GABBR2: variants seen among roughly 807,000 people sequenced by gnomAD.
The protein encoded by GABBR2 is gamma-aminobutyric acid type B receptor subunit 2.
GABBR2 carries 23 observed loss-of-function variants against 105.6 expected under a neutral mutation model. That is an observed-to-expected ratio of 0.22 (90% confidence interval 0.16 to 0.31). The LOEUF (loss-of-function observed/expected upper bound fraction) is 0.31. Ranked by LOEUF, GABBR2 falls within the 10% of genes least tolerant of loss-of-function variation. The pLI is 1.00. For synonymous variants in GABBR2, 478 were observed against 499.7 expected (o/e 0.96, Z 0.58); for missense variants, 734 against 1,245.5 (o/e 0.59, Z 6.18).
intron 1 of GABBR2, among the ~76,000 whole-genome samples, chr9:98,594,004 C>T (rs966371399): frequency 1.3e-5 from 2 of 152,194 alleles, no homozygotes; most frequent in Non-Finnish European, 2.9e-5. Flanking sequence ...TAAGTCCTTC[C>T]GCCTCTCTGC....
intron 7 of GABBR2, among the ~76,000 whole-genome samples, chr9:98,438,211 CCA>C: frequency 7.0e-6 from 1 of 143,182 alleles, no homozygotes; most frequent in Non-Finnish European, 1.5e-5. Context: ...ATCCATCCAT[CCA>C]TCCATCTATA....
chr9:98,424,502 A>G (rs1832839062), intron 7 of GABBR2, among the ~76,000 whole-genome samples: 1 of 152,118 alleles, frequency 6.6e-6, no homozygotes, highest in Non-Finnish European at 1.5e-5. Flanking sequence ...CAGGAGAAGG[A>G]AATAAAGGGT....
intron 7 of GABBR2, among the ~76,000 whole-genome samples, chr9:98,452,098 G>T (rs1826242467): frequency 6.6e-6 from 1 of 152,186 alleles, no homozygotes; most frequent in Non-Finnish European, 1.5e-5. Context: ...AGGACAGGGA[G>T]CCCATCTTAC....
intron 3 of GABBR2, among the ~76,000 whole-genome samples, chr9:98,515,267 T>C (rs1242042386): frequency 6.6e-6 from 1 of 152,134 alleles, no homozygotes; most frequent in Non-Finnish European, 1.5e-5. Flanking sequence ...AACTTGCCCA[T>C]GGGGAGCTGC....
chr9:98,705,420 C>G (rs1219580355), intron 1 of GABBR2, among the ~76,000 whole-genome samples: 1 of 152,214 alleles, frequency 6.6e-6, no homozygotes, highest in East Asian at 1.9e-4. Flanking sequence ...CTTGCTAAAT[C>G]TCCATCTCTC....
intron 7 of GABBR2, among the ~76,000 whole-genome samples, chr9:98,420,537 A>C (rs1030830485): frequency 6.6e-6 from 1 of 152,208 alleles, no homozygotes; most frequent in African/African-American, 2.4e-5. Flanking sequence ...CTGGAGATAC[A>C]ACAATCCCCA....
chr9:98,495,526 G>T (rs372401569), intron 4 of GABBR2, among the ~76,000 whole-genome samples: 19 of 152,256 alleles, frequency 1.2e-4, no homozygotes, highest in African/African-American at 4.3e-4. Flanking sequence ...TCTAAGCTTG[G>T]CATTCAAGGC....
chr9:98,642,299 G>T (rs1486271056), intron 1 of GABBR2, among the ~76,000 whole-genome samples: 1 of 152,150 alleles, frequency 6.6e-6, no homozygotes, highest in African/African-American at 2.4e-5. Flanking sequence ...ACTGCCTCCA[G>T]CATCTGCTCC....
chr9:98,301,057 G>A (rs116362074), intron 16 of GABBR2, among the ~76,000 whole-genome samples: 52 of 152,348 alleles, frequency 3.4e-4, no homozygotes, highest in African/African-American at 1.2e-3. Flanking sequence ...TCCTCGCTCT[G>A]TGCATCTCTT....
chr9:98,521,139 GT>G (rs1235921737), intron 3 of GABBR2, among the ~76,000 whole-genome samples: 1 of 152,168 alleles, frequency 6.6e-6, no homozygotes, highest in Non-Finnish European at 1.5e-5. Flanking sequence ...CCTTCTGAAA[GT>G]GACAGAAAGG....
chr9:98,370,762 G>A (rs1388118027), intron 12 of GABBR2, among the ~76,000 whole-genome samples: 4 of 152,208 alleles, frequency 2.6e-5, no homozygotes, highest in South Asian at 2.1e-4. Context: ...CACTGCAAGA[G>A]TTAAAGAGGA....
chr9:98,638,920 A>C (rs1322284503), intron 1 of GABBR2, among the ~76,000 whole-genome samples: 1 of 152,222 alleles, frequency 6.6e-6, no homozygotes, highest in Non-Finnish European at 1.5e-5. Flanking sequence ...TGTAGTTAGG[A>C]GGTATATAAG....
At chr9:98,580,809 C>T (rs997988565) in intron 1 of GABBR2, among the ~76,000 whole-genome samples, 1 of 152,110 alleles carries the variant, frequency 6.6e-6, no homozygotes, top group African/African-American at 2.4e-5. Flanking sequence ...ATCTGTTGGA[C>T]ACTCTCCCTT....
At chr9:98,352,130 T>C (rs377359132) in intron 13 of GABBR2, among the ~76,000 whole-genome samples, 1 of 152,352 alleles carries the variant, frequency 6.6e-6, no homozygotes, top group East Asian at 1.9e-4. Flanking sequence ...TAGCTTAGGC[T>C]GTAATTATTA....
At chr9:98,424,861 T>C (rs1474338431) in intron 7 of GABBR2, among the ~76,000 whole-genome samples, 3 of 152,194 alleles carry the variant, frequency 2.0e-5, no homozygotes, top group Admixed American at 6.5e-5. Flanking sequence ...GAACATTCCA[T>C]GCTCATGGGT....
At chr9:98,560,203 GA>G (rs914850019) in intron 2 of GABBR2, among the ~76,000 whole-genome samples, 3 of 151,666 alleles carry the variant, frequency 2.0e-5, no homozygotes, top group Admixed American at 6.6e-5. Flanking sequence ...TCAACAAGGA[GA>G]AAAAAAATCA....
chr9:98,495,002 T>G (rs568187948), intron 4 of GABBR2, among the ~76,000 whole-genome samples: 1 of 152,246 alleles, frequency 6.6e-6, no homozygotes, highest in East Asian at 1.9e-4. Flanking sequence ...TCCCCTCCTC[T>G]CCCAACCCTG....
chr9:98,619,973 T>C (rs1829645309), intron 1 of GABBR2, among the ~76,000 whole-genome samples: 1 of 152,116 alleles, frequency 6.6e-6, no homozygotes, highest in African/African-American at 2.4e-5. Context: ...TCACTTACCC[T>C]CTCTGTGCTG....
intron 11 of GABBR2, among the ~76,000 whole-genome samples, chr9:98,383,574 C>G (rs551680452): frequency 6.6e-5 from 10 of 152,264 alleles, no homozygotes; most frequent in Admixed American, 6.5e-4. Context: ...CCTGAACACA[C>G]CAGTGACCTC....
Sources: gnomAD v4.1 joint callset for allele counts (sites outside exome capture counted in the v4.1 genomes callset) on GRCh38, gnomAD v4.1.1 for gene constraint, MANE v1.5 for transcripts, NCBI Gene and HGNC (gene_info 2026-07-23, HGNC 2026-07-21) for gene names.